Variants in BZW1 observed in about 807,000 individuals in gnomAD.
The protein encoded by BZW1 is eIF5-mimic protein 2.
Under a neutral mutation model 54.1 loss-of-function variants are expected in BZW1, and 3 were observed. The ratio of observed to expected loss-of-function variants is 0.06; its 90% CI spans 0.03 to 0.14. BZW1 has a LOEUF of 0.14. BZW1 is among the 10% of genes least tolerant of loss of function. BZW1 has a pLI of 1.00. For missense variants in BZW1, 206 were observed against 491.7 expected (o/e 0.42, Z 5.50); for synonymous variants, 152 against 162.7 (o/e 0.93, Z 0.50).
chr2:200,818,985 A>T (rs1559313420), intron 9 of BZW1, 84 bp downstream of exon 9: 7 of 1,437,154 alleles, frequency 4.9e-6, no homozygotes, highest in Non-Finnish European at 6.4e-6. Context: ...TTCTAAGAGG[A>T]TTTATCACAT....
intron 8 of BZW1, 106 bp downstream of exon 8, chr2:200,818,499 C>T (rs1575055481): frequency 1.5e-6 from 2 of 1,322,102 alleles, no homozygotes; most frequent in South Asian, 2.7e-5. Context: ...TTAATAGTAA[C>T]AGGATGTTAT....
intron 9 of BZW1, chr2:200,819,177 A>C (rs2038409929): frequency 2.8e-6 from 1 of 363,536 alleles, no homozygotes; most frequent in African/African-American, 2.2e-5. Flanking sequence ...GGATTGCTTG[A>C]GCTCAGTTTA....
intron 9 of BZW1, among the ~76,000 whole-genome samples, chr2:200,819,337 T>C (rs80123011): frequency 0.018 from 2,776 of 152,210 alleles, 86 homozygotes; most frequent in African/African-American, 0.064. Context: ...TGCAGTGAGC[T>C]TATGATGGCT....
At chr2:200,819,660 A>G (rs924176145) in intron 9 of BZW1, among the ~76,000 whole-genome samples, 1 of 151,592 alleles carries the variant, frequency 6.6e-6, no homozygotes. Flanking sequence ...TCCTGGGTTC[A>G]AGCAGTTCTG....
At chr2:200,815,231 T>C in intron 2 of BZW1, 110 bp from the exon 3 acceptor site, 4 of 1,124,208 alleles carry the variant, frequency 3.6e-6, no homozygotes, top group Non-Finnish European at 5.0e-6. Context: ...ATGCAAAGGA[T>C]GTGAATTTAA....
chr2:200,825,282 A>G lies in BZW1; in HGVS notation c.*3104A>G, dbSNP rs1426055356. 1.1e-5 allele frequency: 1 copy of G among 91,412 alleles called. No homozygotes were observed. The highest frequency in any genetic ancestry group is 3.1e-5 in the African/African-American group (1 of 32,456). The allele number at this position is 91,412 out of a possible 1,614,324, so 5.7% of individuals were successfully genotyped here. A position where few individuals can be genotyped will look rare whatever the true frequency, so the allele number is the denominator to read the frequency against. ...ACCACGTTGATCAGGCTGGTCTCAAACTCCTGACCTCGTGGTCTGCCTGCC... is the reference window on the plus strand; with the variant it reads ...ACCACGTTGATCAGGCTGGTCTCAAGCTCCTGACCTCGTGGTCTGCCTGCC... On this transcript the variant is annotated 3_prime_UTR_variant, in exon 12 of 12. Transcript: ENST00000409600.
At chr2:200,818,704 ATG>A in intron 8 of BZW1, 49 bp from the exon 9 acceptor site, 1 of 1,547,190 alleles carries the variant, frequency 6.5e-7, no homozygotes, top group Non-Finnish European at 8.7e-7. Context: ...TGTGTGAAGT[ATG>A]TACATAATCA....
At chr2:200,812,326 C>A (rs1264686913) in intron 1 of BZW1, 6 of 1,260,514 alleles carry the variant, frequency 4.8e-6, no homozygotes, top group African/African-American at 1.6e-5. Flanking sequence ...GTGGGGGCTT[C>A]CGGCGGGCGG....
Position 200,820,273 on chromosome 2 carries a change from G to T in BZW1, c.1105+153G>T, listed in dbSNP as rs545608556. ...CTGATTAAATTGGGTGCTTTTTAGTGCACTGATACTTGTTTAAAACATCTA... is the reference window on the plus strand; with the variant it reads ...CTGATTAAATTGGGTGCTTTTTAGTTCACTGATACTTGTTTAAAACATCTA... On this transcript the variant is annotated intron_variant, in intron 10 of 11. Coordinates refer to ENST00000409600, the MANE Select transcript of BZW1 (RefSeq NM_001207067.2). 3 of 615,634 alleles carry T rather than the reference G, an allele frequency of 4.9e-6. No homozygotes were observed. The South Asian group carries it at 7.3e-5, about 15-fold the overall frequency. The allele number at this position is 615,634 out of a possible 1,614,324, so 38.1% of individuals were successfully genotyped here. A position where few individuals can be genotyped will look rare whatever the true frequency, so the allele number is the denominator to read the frequency against.
intron 5 of BZW1, 64 bp downstream of exon 5, chr2:200,816,454 C>T: frequency 1.7e-6 from 2 of 1,178,800 alleles, no homozygotes; most frequent in African/African-American, 1.5e-5. Context: ...AATGTTAAAT[C>T]CTAATTCCGC....
Position 200,815,336 on chromosome 2 carries a change from C to A in BZW1, c.65-5C>A. The A allele has an allele frequency of 1.3e-6, 2 of 1,589,286 alleles. No homozygotes were observed. Among genetic ancestry groups the A allele is most frequent in the Non-Finnish European group, 1.7e-6 (2 of 1,166,436 alleles). On this transcript the variant is annotated splice_polypyrimidine_tract_variant and splice_region_variant and intron_variant, in intron 2 of 11. Transcript: ENST00000409600. Reference sequence around the variant, plus strand: ...CTAAATGTTTTGGGTCCCTTGTCCCCCCAGATGAAAAAGAGAGGTTTGACC... The same window carrying A: ...CTAAATGTTTTGGGTCCCTTGTCCCACCAGATGAAAAAGAGAGGTTTGACC...
At chr2:200,821,894 A>AAG (rs1431947598) in intron 11 of BZW1, among the ~76,000 whole-genome samples, 1 of 152,128 alleles carries the variant, frequency 6.6e-6, no homozygotes, top group Non-Finnish European at 1.5e-5. Context: ...AACATGGGAA[A>AAG]CCCAGTCTCT....
At chr2:200,813,042 C>A in intron 1 of BZW1, 166 bp from the exon 2 acceptor site, 1 of 695,454 alleles carries the variant, frequency 1.4e-6, no homozygotes, top group Non-Finnish European at 2.7e-6. Flanking sequence ...ACATTTGATT[C>A]AAGTGCAGGT....
At chr2:200,820,158 A>G (rs1239663412) in intron 10 of BZW1, 38 bp downstream of exon 10, 12 of 1,473,190 alleles carry the variant, frequency 8.1e-6, no homozygotes, top group Non-Finnish European at 1.1e-5. Flanking sequence ...AACACTTAAT[A>G]AAAACCCTTA....
At chr2:200,812,368 G>C (rs1414689881) in intron 1 of BZW1, 1 of 1,284,052 alleles carries the variant, frequency 7.8e-7, no homozygotes, top group Non-Finnish European at 9.8e-7. Flanking sequence ...CACCGCTGCG[G>C]CCGCCGCCTC....
At chr2:200,813,110 TCC>T (rs777447153) in intron 1 of BZW1, 96 bp from the exon 2 acceptor site, 328 of 970,378 alleles carry the variant, frequency 3.4e-4, no homozygotes, top group Non-Finnish European at 4.9e-4. Flanking sequence ...GAGTGGGTGT[TCC>T]ATTTGATTCA....
intron 9 of BZW1, 124 bp downstream of exon 9, chr2:200,819,025 A>C: frequency 3.7e-6 from 4 of 1,079,044 alleles, no homozygotes; most frequent in Non-Finnish European, 5.2e-6. Flanking sequence ...GCCCACCAGT[A>C]AATAAACAAA....
Position 200,826,210 on chromosome 2 carries a change from G to A in BZW1, c.*4032G>A, listed in dbSNP as rs747067615. 1 of 152,018 alleles carries A rather than the reference G, an allele frequency of 6.6e-6. No individual in the cohort carries two copies. Among genetic ancestry groups the A allele is most frequent in the African/African-American group, 2.4e-5 (1 of 41,376 alleles). 9.4% of individuals were successfully genotyped at this position (152,018 alleles called of 1,614,324 possible). A position where few individuals can be genotyped will look rare whatever the true frequency, so the allele number is the denominator to read the frequency against. ...AATTATATGAAACTGGATCAGAAAG[G>A]CTTTCTGACTCCTTTCTCTTCACTT... On this transcript the variant is annotated 3_prime_UTR_variant, in exon 12 of 12. Transcript: ENST00000409600.
intron 1 of BZW1, chr2:200,812,749 G>T (rs1469739807): frequency 1.7e-5 from 12 of 727,126 alleles, no homozygotes; most frequent in East Asian, 5.4e-5. Context: ...GGATGGTGCT[G>T]CCCGTAACCA....
Sources: gnomAD v4.1 joint callset for allele counts (sites outside exome capture counted in the v4.1 genomes callset) on GRCh38, gnomAD v4.1.1 for gene constraint, MANE v1.5 for transcripts, NCBI Gene and HGNC (gene_info 2026-07-23, HGNC 2026-07-21) for gene names.